LRP1B: variants seen among roughly 807,000 people sequenced by gnomAD.
The protein encoded by LRP1B is LDL receptor related protein 1B.
Under a neutral mutation model 556.6 loss-of-function variants are expected in LRP1B, and 217 were observed. The ratio of observed to expected loss-of-function variants is 0.39; its 90% CI spans 0.35 to 0.44. LRP1B has a LOEUF of 0.44. LRP1B is among the 20% of genes least tolerant of loss of function. LRP1B has a pLI of 1.00. For missense variants in LRP1B, 5,053 were observed against 5,620.8 expected (o/e 0.90, Z 3.23); for synonymous variants, 2,047 against 1,865.8 (o/e 1.10, Z -2.50).
At chr2:140,645,564 G>A (rs1430297971) in intron 41 of LRP1B, among the ~76,000 whole-genome samples, 3 of 118,732 alleles carry the variant, frequency 2.5e-5, no homozygotes, top group South Asian at 5.6e-4. Context: ...TTTTGAGATG[G>A]AGTCTTGCTC....
chr2:141,329,663 A>AAAAAAAAAAC (rs1553497047), intron 3 of LRP1B, among the ~76,000 whole-genome samples: 1 of 137,410 alleles, frequency 7.3e-6, no homozygotes, highest in African/African-American at 3.1e-5. Flanking sequence ...AAAAAAAAAA[A>AAAAAAAAAAC]AACTATCTCT....
intron 42 of LRP1B, among the ~76,000 whole-genome samples, chr2:140,599,654 G>A (rs892522312): frequency 6.6e-6 from 1 of 151,984 alleles, no homozygotes; most frequent in Non-Finnish European, 1.5e-5. Context: ...AAAAAATACT[G>A]AATTAAAACA....
At chr2:140,411,838 C>T (rs1272456201) in intron 66 of LRP1B, among the ~76,000 whole-genome samples, 1 of 152,088 alleles carries the variant, frequency 6.6e-6, no homozygotes, top group Non-Finnish European at 1.5e-5. Context: ...ATCTTATTAT[C>T]TCTTCCTGTT....
chr2:141,209,182 T>C lies in LRP1B; in HGVS notation c.850+20001A>G, dbSNP rs866037833. Among the ~76,000 whole-genome samples, 13 of 152,214 alleles carry C rather than the reference T, an allele frequency of 8.5e-5. No individual in the cohort carries two copies. In the Middle Eastern group the frequency reaches 0.014, roughly 159 times the overall value. On this transcript the variant is annotated intron_variant, in intron 6 of 90. Transcript: ENST00000389484. ...TCTGTGTCCCCACCCAAATCTCACC[T>C]TGAATTGTAGTTCCCATAATCCCCA...
At chr2:142,117,352 C>T (rs188749666) in intron 1 of LRP1B, among the ~76,000 whole-genome samples, 228 of 152,232 alleles carry the variant, frequency 1.5e-3, no homozygotes, top group Non-Finnish European at 2.3e-3. Flanking sequence ...AGGATTCATC[C>T]TCGTATTCTT....
chr2:141,801,503 C>T (rs531933280), intron 2 of LRP1B, among the ~76,000 whole-genome samples: 6 of 152,118 alleles, frequency 3.9e-5, no homozygotes, highest in Non-Finnish European at 5.9e-5. Flanking sequence ...CCGTTATTTG[C>T]ACTTCCATCT....
Position 141,019,938 on chromosome 2 carries a change from C to G in LRP1B, c.1954G>C (p.Val652Leu), listed in dbSNP as rs2105396560. The G allele has an allele frequency of 6.2e-7, 1 of 1,600,684 alleles. No individual in the cohort carries two copies. Among genetic ancestry groups the G allele is most frequent in the South Asian group, 1.1e-5 (1 of 89,078 alleles). ...ATTGCATACCCATTAACTGGATCCACCACAATTCCTCTGGGATGAGACATT... is the reference window on the plus strand; with the variant it reads ...ATTGCATACCCATTAACTGGATCCAGCACAATTCCTCTGGGATGAGACATT... ...GEMSHPRGIV[V>L]DPVNGWMYWT... The change falls in exon 12 of 91, where the codon GTG becomes CTG. Residue 652 changes from valine to leucine, a missense_variant. Transcript: ENST00000389484.
chr2:140,232,250 T>A lies in LRP1B; in HGVS notation c.*936A>T, dbSNP rs1273851721. 6.6e-6 allele frequency: 1 copy of A among 151,482 alleles called. No homozygotes were observed. Among genetic ancestry groups the A allele is most frequent in the East Asian group, 2.0e-4 (1 of 5,106 alleles). 9.4% of individuals were successfully genotyped at this position (151,482 alleles called of 1,614,324 possible). ...GGATGCGTTCACGTAATTGAAATTCTGTCACCAATTTGTGTGCTTATATAT... is the reference window on the plus strand; with the variant it reads ...GGATGCGTTCACGTAATTGAAATTCAGTCACCAATTTGTGTGCTTATATAT... On this transcript the variant is annotated 3_prime_UTR_variant, in exon 91 of 91. Coordinates refer to ENST00000389484, the MANE Select transcript of LRP1B (RefSeq NM_018557.3).
chr2:140,306,830 G>A (rs1417527896), intron 83 of LRP1B, among the ~76,000 whole-genome samples: 1 of 152,060 alleles, frequency 6.6e-6, no homozygotes, highest in African/African-American at 2.4e-5. Context: ...TGCTTTAAAT[G>A]CGTCCCAGAG....
intron 7 of LRP1B, among the ~76,000 whole-genome samples, chr2:141,126,339 T>C (rs987194500): frequency 1.3e-5 from 2 of 152,118 alleles, no homozygotes; most frequent in African/African-American, 4.8e-5. Flanking sequence ...TGCCCTTTAA[T>C]AGCTATTTTC....
At chr2:141,808,674 C>A (rs1395321514) in intron 2 of LRP1B, among the ~76,000 whole-genome samples, 2 of 152,162 alleles carry the variant, frequency 1.3e-5, no homozygotes, top group East Asian at 3.9e-4. Context: ...TCATCATAAT[C>A]TAATTTAAGA....
At chr2:141,057,515 G>A (rs1412211017) in intron 9 of LRP1B, among the ~76,000 whole-genome samples, 1 of 151,762 alleles carries the variant, frequency 6.6e-6, no homozygotes, top group Non-Finnish European at 1.5e-5. Flanking sequence ...TTGTTGGGGG[G>A]GACCCAGTAG....
chr2:140,638,389 C>T (rs980706980), intron 41 of LRP1B, among the ~76,000 whole-genome samples: 1 of 152,060 alleles, frequency 6.6e-6, no homozygotes, highest in Non-Finnish European at 1.5e-5. Flanking sequence ...AAGCCATAGA[C>T]AATTCAGGTA....
intron 7 of LRP1B, among the ~76,000 whole-genome samples, chr2:141,070,327 C>T (rs1486590238): frequency 6.7e-6 from 1 of 149,976 alleles, no homozygotes; most frequent in African/African-American, 2.5e-5. Flanking sequence ...ACACAACATA[C>T]CAGAATCTCT....
chr2:140,271,697 AC>A (rs1466286370), intron 85 of LRP1B, among the ~76,000 whole-genome samples: 3 of 151,882 alleles, frequency 2.0e-5, no homozygotes, highest in Non-Finnish European at 4.4e-5. Context: ...ATACAGGTAA[AC>A]AGAACAAGAC....
chr2:140,580,300 T>C (rs778609465), intron 43 of LRP1B, among the ~76,000 whole-genome samples: 9 of 152,210 alleles, frequency 5.9e-5, no homozygotes, highest in Non-Finnish European at 1.2e-4. Context: ...AGAATTCTTA[T>C]GATCAAATAC....
intron 7 of LRP1B, among the ~76,000 whole-genome samples, chr2:141,064,308 T>C (rs541536710): frequency 2.0e-5 from 3 of 152,004 alleles, no homozygotes; most frequent in Non-Finnish European, 4.4e-5. Context: ...TTGCCACTTG[T>C]GTTTGGGAAG....
intron 62 of LRP1B, among the ~76,000 whole-genome samples, chr2:140,452,304 A>G (rs1474387421): frequency 6.6e-6 from 1 of 152,164 alleles, no homozygotes; most frequent in Non-Finnish European, 1.5e-5. Flanking sequence ...CCATTCAGAT[A>G]GAAGAAACTA....
intron 31 of LRP1B, among the ~76,000 whole-genome samples, chr2:140,830,392 G>C (rs972331570): frequency 2.6e-5 from 4 of 152,030 alleles, no homozygotes; most frequent in African/African-American, 9.7e-5. Context: ...ATATTGAAAA[G>C]ATTATTCACC....
Sources: gnomAD v4.1 joint callset for allele counts (sites outside exome capture counted in the v4.1 genomes callset) on GRCh38, gnomAD v4.1.1 for gene constraint, MANE v1.5 for transcripts, NCBI Gene and HGNC (gene_info 2026-07-23, HGNC 2026-07-21) for gene names.